TPRG1: variants seen among roughly 807,000 people sequenced by gnomAD.
The protein encoded by TPRG1 is tumor protein p63-regulated gene 1 protein.
In TPRG1, 29 loss-of-function variants were observed where a neutral mutation model predicts 29.3. That is an observed-to-expected ratio of 0.99 (90% confidence interval 0.74 to 1.35). The LOEUF is 1.35. Ranked by LOEUF, TPRG1 falls within the 40% of genes most tolerant of loss-of-function variation. The probability of loss-of-function intolerance (pLI) is 0.00; values close to 1 mark genes in which losing one functional copy is unlikely to be tolerated. For synonymous variants in TPRG1, 130 were observed against 116.8 expected (o/e 1.11, Z -0.73); for missense variants, 327 against 335.0 (o/e 0.98, Z 0.19).
intron 3 of TPRG1, among the ~76,000 whole-genome samples, chr3:189,218,342 T>C (rs1736404964): frequency 6.6e-6 from 1 of 152,100 alleles, no homozygotes; most frequent in Non-Finnish European, 1.5e-5. Context: ...GGCCTCTATC[T>C]CCTGACCTCG....
At chr3:189,031,914 A>G (rs990240769) in intron 4 of TPRG1, among the ~76,000 whole-genome samples, 1 of 152,232 alleles carries the variant, frequency 6.6e-6, no homozygotes, top group Non-Finnish European at 1.5e-5. Context: ...AGAAGCTAAT[A>G]GAGTTTGGGA....
chr3:189,057,515 T>A (rs1049854658), intron 4 of TPRG1, among the ~76,000 whole-genome samples: 53 of 151,056 alleles, frequency 3.5e-4, no homozygotes, highest in African/African-American at 1.2e-3. Flanking sequence ...TTTTTTTTTT[T>A]ACACATTCTG....
chr3:189,287,523 G>A (rs552293444), intron 4 of TPRG1, among the ~76,000 whole-genome samples: 2 of 150,886 alleles, frequency 1.3e-5, no homozygotes, highest in African/African-American at 2.4e-5. Context: ...TCAGCCTCCC[G>A]AGTAGCTGGG....
intron 1 of TPRG1, among the ~76,000 whole-genome samples, chr3:189,198,184 C>T (rs1407706631): frequency 2.6e-5 from 4 of 152,148 alleles, no homozygotes; most frequent in Non-Finnish European, 5.9e-5. Flanking sequence ...TTTTGGAACA[C>T]ACTCCTCTCA....
intron 5 of TPRG1, among the ~76,000 whole-genome samples, chr3:189,166,210 T>C (rs1728145391): frequency 6.6e-6 from 1 of 152,186 alleles, no homozygotes; most frequent in Admixed American, 6.5e-5. Flanking sequence ...CAAGGGACTG[T>C]GTTGATAGAT....
intron 4 of TPRG1, among the ~76,000 whole-genome samples, chr3:189,050,146 A>T (rs1231841015): frequency 6.6e-6 from 1 of 152,226 alleles, no homozygotes; most frequent in Non-Finnish European, 1.5e-5. Flanking sequence ...TGAAACAAAA[A>T]GCTGGTTCTT....
At chr3:189,018,859 A>G (rs1165744922) in intron 3 of TPRG1, among the ~76,000 whole-genome samples, 1 of 148,726 alleles carries the variant, frequency 6.7e-6, no homozygotes, top group African/African-American at 2.5e-5. Context: ...CTTCCTACCC[A>G]TGAGCATGGA....
chr3:189,054,288 A>G (rs779098761), intron 4 of TPRG1, among the ~76,000 whole-genome samples: 5 of 152,036 alleles, frequency 3.3e-5, no homozygotes, highest in Admixed American at 3.3e-4. Context: ...ACATTTGTCA[A>G]TGAAATTTGC....
chr3:189,298,550 TA>T (rs1218330205), intron 4 of TPRG1, among the ~76,000 whole-genome samples: 3 of 152,184 alleles, frequency 2.0e-5, no homozygotes, highest in Admixed American at 2.0e-4. Flanking sequence ...TTTTATTACA[TA>T]AAAGTACTTC....
intron 4 of TPRG1, among the ~76,000 whole-genome samples, chr3:189,057,855 T>C (rs1162028032): frequency 6.3e-5 from 7 of 111,744 alleles, no homozygotes; most frequent in South Asian, 2.6e-4. Flanking sequence ...TGTATATATA[T>C]ACACACATAC....
At chr3:189,201,395 C>G (rs61065225) in intron 1 of TPRG1, among the ~76,000 whole-genome samples, 42,254 of 152,008 alleles carry the variant, frequency 0.28, 7,408 homozygotes, top group African/African-American at 0.51. Flanking sequence ...AGGAGACAGA[C>G]AGAACAAGTG....
intron 1 of TPRG1, chr3:189,191,041 C>T (rs774505786): frequency 3.2e-6 from 3 of 946,542 alleles, no homozygotes; most frequent in Non-Finnish European, 2.5e-6. Context: ...TAATTTTGGT[C>T]ATTGCTTATT....
chr3:189,208,752 A>G (rs867778183), intron 2 of TPRG1, among the ~76,000 whole-genome samples: 1 of 152,230 alleles, frequency 6.6e-6, no homozygotes, highest in Non-Finnish European at 1.5e-5. Context: ...AAGCTGTGTG[A>G]TATAGCTGCA....
At chr3:189,151,062 A>C (rs1725879605) in intron 5 of TPRG1, 1 of 152,150 alleles carries the variant, frequency 6.6e-6, no homozygotes, top group African/African-American at 2.4e-5. Flanking sequence ...TACCCCCCAA[A>C]AGCCTCCATC....
chr3:189,283,957 A>G (rs1226386112), intron 4 of TPRG1, among the ~76,000 whole-genome samples: 1 of 152,232 alleles, frequency 6.6e-6, no homozygotes, highest in African/African-American at 2.4e-5. Context: ...TTGAACAGAT[A>G]AGATGACTGG....
intron 4 of TPRG1, among the ~76,000 whole-genome samples, chr3:189,249,273 G>A (rs1741810633): frequency 1.3e-5 from 2 of 151,728 alleles, no homozygotes; most frequent in Non-Finnish European, 2.9e-5. Context: ...TGGTGATATT[G>A]TATTTTTTGT....
At chr3:189,290,905 T>A (rs1718882213) in intron 4 of TPRG1, among the ~76,000 whole-genome samples, 1 of 152,066 alleles carries the variant, frequency 6.6e-6, no homozygotes, top group Non-Finnish European at 1.5e-5. Context: ...GCCCATTTCT[T>A]TTTGTTGTTG....
intron 3 of TPRG1, among the ~76,000 whole-genome samples, chr3:189,237,398 G>C (rs1413600817): frequency 3.9e-5 from 6 of 152,080 alleles, no homozygotes; most frequent in Non-Finnish European, 7.4e-5. Context: ...TGTATATTCT[G>C]ATTGGTCAGT....
chr3:189,045,377 C>G (rs1714912147), intron 4 of TPRG1, among the ~76,000 whole-genome samples: 1 of 152,168 alleles, frequency 6.6e-6, no homozygotes, highest in Non-Finnish European at 1.5e-5. Flanking sequence ...AAAAGAACGT[C>G]AAGTCTCAAA....
Sources: gnomAD v4.1 joint callset for allele counts (sites outside exome capture counted in the v4.1 genomes callset) on GRCh38, gnomAD v4.1.1 for gene constraint, MANE v1.5 for transcripts, NCBI Gene and HGNC (gene_info 2026-07-23, HGNC 2026-07-21) for gene names.